SCN8A: variants seen among roughly 807,000 people sequenced by gnomAD.
SCN8A encodes the protein sodium channel protein type 8 subunit alpha.
A neutral mutation model predicts 184.1 loss-of-function variants in SCN8A; 30 were observed. The ratio of observed to expected loss-of-function variants is 0.16; its 90% CI spans 0.12 to 0.22. The LOEUF is 0.22. Among genes scored for constraint, SCN8A ranks in the 10% least tolerant of loss-of-function variants. The pLI, the probability that SCN8A is intolerant of heterozygous loss-of-function variation, is 1.00. For synonymous variants in SCN8A, 852 were observed against 907.0 expected, an observed-to-expected ratio of 0.94 and a Z score of 1.09; for missense variants, 1,057 against 2,498.9, an observed-to-expected ratio of 0.42 and a Z score of 12.30.
At chr12:51,769,371 G>T in intron 17 of SCN8A, 36 bp downstream of exon 17, 2 of 1,466,974 alleles carry the variant, frequency 1.4e-6, no homozygotes, top group Non-Finnish European at 1.9e-6. Context: ...TTGATCCTGT[G>T]TGAGAGCAAA....
intron 1 of SCN8A, among the ~76,000 whole-genome samples, chr12:51,649,090 G>A (rs895224073): frequency 3.3e-5 from 5 of 152,184 alleles, no homozygotes; most frequent in Non-Finnish European, 7.4e-5. Context: ...ATGCAAGTCC[G>A]AAATCCAGCG....
At chr12:51,652,214 C>T (rs1940730800) in intron 1 of SCN8A, among the ~76,000 whole-genome samples, 1 of 152,128 alleles carries the variant, frequency 6.6e-6, no homozygotes, top group Non-Finnish European at 1.5e-5. Flanking sequence ...TCCCTTTGCT[C>T]ATGATTTGGG....
At chr12:51,764,024 G>A (rs950277590) in intron 15 of SCN8A, among the ~76,000 whole-genome samples, 1 of 152,026 alleles carries the variant, frequency 6.6e-6, no homozygotes, top group African/African-American at 2.4e-5. Flanking sequence ...GGACTTTTTT[G>A]AGAATAGTTA....
chr12:51,628,113 CATT>C (rs1183144960), intron 1 of SCN8A, among the ~76,000 whole-genome samples: 1 of 152,066 alleles, frequency 6.6e-6, no homozygotes, highest in Non-Finnish European at 1.5e-5. Context: ...ACCTTTAAGA[CATT>C]GTAGGTTTAG....
intron 12 of SCN8A, among the ~76,000 whole-genome samples, chr12:51,736,683 G>A (rs538964551): frequency 1.2e-4 from 18 of 152,348 alleles, no homozygotes; most frequent in African/African-American, 4.3e-4. Flanking sequence ...TGTAAAAAGG[G>A]TGCATTCTAC....
intron 1 of SCN8A, among the ~76,000 whole-genome samples, chr12:51,608,490 T>C (rs932598266): frequency 1.3e-5 from 2 of 152,186 alleles, no homozygotes; most frequent in Non-Finnish European, 2.9e-5. Context: ...TTCCAGCAAT[T>C]GATCCATCTC....
At chr12:51,700,919 A>T (rs1342540389) in intron 7 of SCN8A, among the ~76,000 whole-genome samples, 2 of 152,228 alleles carry the variant, frequency 1.3e-5, no homozygotes, top group African/African-American at 2.4e-5. Flanking sequence ...GTGTCTGTGA[A>T]AACTATATTG....
At chr12:51,760,212 A>G (rs1176597396) in intron 14 of SCN8A, among the ~76,000 whole-genome samples, 2 of 152,234 alleles carry the variant, frequency 1.3e-5, no homozygotes, top group Admixed American at 6.5e-5. Context: ...TTTGAGAAGC[A>G]TATCACAGTG....
At chr12:51,712,865 C>G in intron 11 of SCN8A, 1 of 1,463,956 alleles carries the variant, frequency 6.8e-7, no homozygotes, top group Non-Finnish European at 9.6e-7. Context: ...CCACCATAGC[C>G]TCCTCTTCCA....
At chr12:51,758,092 C>G (rs957881187) in intron 14 of SCN8A, among the ~76,000 whole-genome samples, 7 of 152,104 alleles carry the variant, frequency 4.6e-5, no homozygotes, top group African/African-American at 1.7e-4. Context: ...CCGAAGTGCT[C>G]CAGGAACACG....
At chr12:51,613,106 T>C (rs867717198) in intron 1 of SCN8A, among the ~76,000 whole-genome samples, 1 of 152,202 alleles carries the variant, frequency 6.6e-6, no homozygotes, top group Non-Finnish European at 1.5e-5. Context: ...TTTCTTGTCC[T>C]GTCTTTGTTT....
intron 23 of SCN8A, 96 bp downstream of exon 23, chr12:51,788,844 G>A: frequency 1.1e-6 from 1 of 936,820 alleles, no homozygotes; most frequent in African/African-American, 1.7e-5. Flanking sequence ...AAGGGATGAA[G>A]GAATGGAGGA....
chr12:51,767,714 A>C (rs1450466076), intron 16 of SCN8A, among the ~76,000 whole-genome samples: 1 of 152,152 alleles, frequency 6.6e-6, no homozygotes, highest in African/African-American at 2.4e-5. Flanking sequence ...ACAAACATCC[A>C]CACCCCTCAC....
intron 13 of SCN8A, among the ~76,000 whole-genome samples, chr12:51,750,851 ATAATATAGTG>A (rs1000327634): frequency 3.3e-5 from 5 of 152,214 alleles, no homozygotes; most frequent in Non-Finnish European, 2.9e-5. Flanking sequence ...CAATAATTGA[ATAATATAGTG>A]TATAATAGAA....
At chr12:51,610,656 T>C (rs1939702408) in intron 1 of SCN8A, among the ~76,000 whole-genome samples, 1 of 152,216 alleles carries the variant, frequency 6.6e-6, no homozygotes, top group African/African-American at 2.4e-5. Context: ...ATATGATGCT[T>C]AGTTTCACTA....
At chr12:51,748,327 C>T (rs1401541649) in intron 13 of SCN8A, among the ~76,000 whole-genome samples, 2 of 152,048 alleles carry the variant, frequency 1.3e-5, no homozygotes, top group Non-Finnish European at 2.9e-5. Context: ...GTTTAGAAAC[C>T]ACAGTGGAGA....
At chr12:51,602,617 T>C (rs185843447) in intron 1 of SCN8A, among the ~76,000 whole-genome samples, 3 of 152,182 alleles carry the variant, frequency 2.0e-5, no homozygotes, top group Non-Finnish European at 4.4e-5. Flanking sequence ...ATGTATATTT[T>C]ACCACAATCA....
At position 51,751,608 on chromosome 12, in the gene SCN8A, T is replaced by C. The variant is rs1353536779; in HGVS notation, c.2370+15T>C. 3 of 1,551,388 alleles carry C rather than the reference T, an allele frequency of 1.9e-6. No homozygotes were observed. In the East Asian group the frequency reaches 6.7e-5, roughly 35 times the overall value. On this transcript the variant is annotated intron_variant, in intron 14 of 26. Transcript: ENST00000627620. Reference sequence around the variant, plus strand: ...TAGGAAATCTGGTAAGATGGAACACTGTCTCCCGATATTAGGATTGGAATG... The same window carrying C: ...TAGGAAATCTGGTAAGATGGAACACCGTCTCCCGATATTAGGATTGGAATG...
At chr12:51,759,387 T>G (rs558732813) in intron 14 of SCN8A, among the ~76,000 whole-genome samples, 130 of 152,282 alleles carry the variant, frequency 8.5e-4, no homozygotes, top group African/African-American at 3.1e-3. Context: ...GGCTGCTAAG[T>G]GGCTAAAGGG....
Sources: gnomAD v4.1 joint callset for allele counts (sites outside exome capture counted in the v4.1 genomes callset) on GRCh38, gnomAD v4.1.1 for gene constraint, MANE v1.5 for transcripts, NCBI Gene and HGNC (gene_info 2026-07-23, HGNC 2026-07-21) for gene names.